Variants in CFAP299 observed in about 807,000 individuals in gnomAD.
CFAP299 encodes the protein cilia and flagella associated protein 299.
CFAP299 carries 21 observed loss-of-function variants against 27.0 expected under a neutral mutation model. The ratio of observed to expected loss-of-function variants is 0.78; its 90% CI spans 0.55 to 1.12. CFAP299 has a LOEUF of 1.12. CFAP299 is among the 50% of genes most tolerant of loss of function. The pLI is 0.00. For missense variants in CFAP299, 310 were observed against 276.6 expected, an observed-to-expected ratio of 1.12 and a Z score of -0.86; for synonymous variants, 104 against 98.1, an observed-to-expected ratio of 1.06 and a Z score of -0.36.
chr4:80,687,486 C>A (rs952696987), intron 3 of CFAP299, among the ~76,000 whole-genome samples: 1 of 152,112 alleles, frequency 6.6e-6, no homozygotes, highest in South Asian at 2.1e-4. Context: ...AGAATTTCAA[C>A]TGAGGTGAGC....
At chr4:80,836,696 A>C (rs1285061610) in intron 3 of CFAP299, among the ~76,000 whole-genome samples, 2 of 152,164 alleles carry the variant, frequency 1.3e-5, no homozygotes, top group South Asian at 2.1e-4. Context: ...TATGTCAAGG[A>C]AAGTGACATA....
intron 3 of CFAP299, among the ~76,000 whole-genome samples, chr4:80,848,338 A>G (rs568808111): frequency 6.6e-6 from 1 of 152,260 alleles, no homozygotes; most frequent in South Asian, 2.1e-4. Flanking sequence ...ATGTTCTGAG[A>G]AATGTGATGT....
intron 2 of CFAP299, among the ~76,000 whole-genome samples, chr4:80,517,279 CTGT>C (rs1732635143): frequency 6.6e-6 from 1 of 152,156 alleles, no homozygotes; most frequent in Non-Finnish European, 1.5e-5. Context: ...GTAAGAATTT[CTGT>C]TGTTTTAGAT....
chr4:80,345,358 T>C (rs547722100), intron 1 of CFAP299, among the ~76,000 whole-genome samples: 69 of 152,240 alleles, frequency 4.5e-4, no homozygotes, highest in South Asian at 2.1e-3. Flanking sequence ...ATGTGCCATG[T>C]TGGTGTGCTG....
Position 80,963,533 on chromosome 4 carries a change from A to C in CFAP299, c.623A>C (p.Asn208Thr), listed in dbSNP as rs1213006513. ...GTATTTTAGGCGCAGCCAGGTGACA[A>C]CTCTACTAGAATCACTATCCTGACA... ...NVDPKAQPGD[N>T]STRITILTEL... The change falls in exon 6 of 6, where the codon AAC (asparagine) becomes ACC (threonine). Residue 208 changes from asparagine to threonine, a missense_variant. By Grantham distance (65) the Asn-to-Thr change is moderately conservative. Coordinates refer to ENST00000358105, the MANE Select transcript of CFAP299 (RefSeq NM_152770.3). 1 of 1,600,668 alleles carries C rather than the reference A, an allele frequency of 6.2e-7. No homozygotes were observed. The highest frequency in any genetic ancestry group is 1.7e-5 in the Admixed American group (1 of 57,636).
chr4:80,609,430 A>G (rs2109914821), intron 3 of CFAP299, among the ~76,000 whole-genome samples: 1 of 152,144 alleles, frequency 6.6e-6, no homozygotes, highest in Admixed American at 6.6e-5. Context: ...AGAAGGATAT[A>G]TTTTTTGAAA....
At chr4:80,367,310 C>T (rs1298183321) in intron 2 of CFAP299, among the ~76,000 whole-genome samples, 10 of 152,112 alleles carry the variant, frequency 6.6e-5, no homozygotes, top group East Asian at 1.9e-4. Context: ...TGTGAGGGGA[C>T]GTGAAGAATA....
intron 2 of CFAP299, among the ~76,000 whole-genome samples, chr4:80,390,745 A>ATATACACACATATGTATATATG (rs1281143960): frequency 8.8e-6 from 1 of 113,864 alleles, no homozygotes; most frequent in African/African-American, 2.8e-5. Context: ...GTATATATGT[A>ATATACACACATATGTATATATG]TATATACACA....
intron 2 of CFAP299, among the ~76,000 whole-genome samples, chr4:80,412,347 TA>T (rs1262556709): frequency 2.0e-5 from 3 of 152,044 alleles, no homozygotes. Context: ...TATTATAAGC[TA>T]CTCCTAAATG....
intron 3 of CFAP299, among the ~76,000 whole-genome samples, chr4:80,833,110 C>G (rs1730385669): frequency 6.6e-6 from 1 of 151,988 alleles, no homozygotes; most frequent in Admixed American, 6.6e-5. Flanking sequence ...TTACATTACT[C>G]AGCATGTGAT....
At chr4:80,845,294 A>C (rs867243765) in intron 3 of CFAP299, among the ~76,000 whole-genome samples, 3 of 132,586 alleles carry the variant, frequency 2.3e-5, no homozygotes, top group African/African-American at 9.8e-5. Flanking sequence ...TTTTTTTTTT[A>C]AAAGACCGTT....
At chr4:80,815,387 A>G (rs922462235) in intron 3 of CFAP299, among the ~76,000 whole-genome samples, 1 of 151,948 alleles carries the variant, frequency 6.6e-6, no homozygotes, top group African/African-American at 2.4e-5. Context: ...AAAGTCTCAG[A>G]AAGTTACTAA....
chr4:80,433,167 GA>G (rs140164164), intron 2 of CFAP299, among the ~76,000 whole-genome samples: 1 of 150,486 alleles, frequency 6.6e-6, no homozygotes, highest in Non-Finnish European at 1.5e-5. Context: ...AACCACAGAG[GA>G]AAAAAAAAGA....
intron 3 of CFAP299, among the ~76,000 whole-genome samples, chr4:80,738,709 A>C (rs778083747): frequency 1.0e-4 from 15 of 148,112 alleles, no homozygotes; most frequent in Non-Finnish European, 1.6e-4. Context: ...TTGCTGGGAG[A>C]GTTTAGTACA....
At chr4:80,689,205 C>G (rs1484970916) in intron 3 of CFAP299, among the ~76,000 whole-genome samples, 1 of 152,092 alleles carries the variant, frequency 6.6e-6, no homozygotes, top group East Asian at 1.9e-4. Context: ...CACAAAGATA[C>G]TCCTCGAGAA....
At chr4:80,492,799 G>A (rs1259397730) in intron 2 of CFAP299, among the ~76,000 whole-genome samples, 1 of 152,148 alleles carries the variant, frequency 6.6e-6, no homozygotes, top group Non-Finnish European at 1.5e-5. Context: ...TACAGGAAAG[G>A]CAAAGCAAGA....
Position 80,477,860 on chromosome 4 carries a change from A to G in CFAP299, c.243-105233A>G, listed in dbSNP as rs569226167. ...ATTTTGCTTTATTATTGTTGCCTGG[A>G]AAACCCCAGCTCTTTTCTCCCTCCA... On this transcript the variant is annotated intron_variant, in intron 2 of 5. Coordinates refer to ENST00000358105, the MANE Select transcript of CFAP299 (RefSeq NM_152770.3). 6.6e-5 allele frequency among the ~76,000 whole-genome samples: 10 copies of G among 152,298 alleles called. No homozygotes were observed. The South Asian group carries it at 1.9e-3, about 28-fold the overall frequency.
chr4:80,421,837 T>C, intron 2 of CFAP299, among the ~76,000 whole-genome samples: 1 of 152,214 alleles, frequency 6.6e-6, no homozygotes, highest in Admixed American at 6.5e-5. Context: ...TCTTTTTCCA[T>C]TTACTTTCTT....
chr4:80,935,095 T>C (rs894392910), intron 4 of CFAP299, among the ~76,000 whole-genome samples: 1 of 152,080 alleles, frequency 6.6e-6, no homozygotes, highest in African/African-American at 2.4e-5. Context: ...TCAATGTATT[T>C]TTTTATTTAG....
Sources: allele counts gnomAD v4.1 joint callset (sites outside exome capture counted in the v4.1 genomes callset), GRCh38; gene constraint gnomAD v4.1.1; transcripts MANE v1.5; gene names NCBI Gene and HGNC (gene_info 2026-07-23, HGNC 2026-07-21).